Variants in SLC8A3 observed in about 807,000 individuals in gnomAD.
The protein encoded by SLC8A3 is sodium/calcium exchanger 3.
A neutral mutation model predicts 65.4 loss-of-function variants in SLC8A3; 37 were observed. The ratio of observed to expected loss-of-function variants is 0.57; its 90% CI spans 0.44 to 0.74. The LOEUF is 0.74. Among genes scored for constraint, SLC8A3 ranks in the 30% least tolerant of loss-of-function variants. The pLI is 0.00. For synonymous variants in SLC8A3, 461 were observed against 444.5 expected (o/e 1.04, Z -0.47); for missense variants, 1,112 against 1,172.1 (o/e 0.95, Z 0.75).
At chr14:70,086,295 G>C (rs185005563) in intron 2 of SLC8A3, among the ~76,000 whole-genome samples, 3 of 152,056 alleles carry the variant, frequency 2.0e-5, no homozygotes, top group East Asian at 3.9e-4. Flanking sequence ...GATGAAACCG[G>C]GATTCCAGCC....
intron 2 of SLC8A3, among the ~76,000 whole-genome samples, chr14:70,148,509 T>C (rs960576810): frequency 6.6e-6 from 1 of 152,206 alleles, no homozygotes; most frequent in Non-Finnish European, 1.5e-5. Flanking sequence ...AAAGGAAGTC[T>C]CTTCAGCCTT....
chr14:70,088,917 A>G (rs543686966), intron 2 of SLC8A3, among the ~76,000 whole-genome samples: 3 of 151,850 alleles, frequency 2.0e-5, no homozygotes, highest in Non-Finnish European at 4.4e-5. Flanking sequence ...TCTTTTTTTC[A>G]TTCCCTGCTA....
At chr14:70,143,190 C>T (rs578020275) in intron 2 of SLC8A3, among the ~76,000 whole-genome samples, 10 of 152,250 alleles carry the variant, frequency 6.6e-5, no homozygotes, top group South Asian at 4.1e-4. Context: ...CCTGTAGATG[C>T]GTTAAGTTTT....
At position 70,167,926 on chromosome 14, in the gene SLC8A3, C is replaced by T. The variant is rs1387832033; in HGVS notation, c.497G>A (p.Gly166Glu). 1 of 1,613,986 alleles carries T rather than the reference C, an allele frequency of 6.2e-7. No homozygotes were observed. Among genetic ancestry groups the T allele is most frequent in the Non-Finnish European group, 8.5e-7 (1 of 1,180,022 alleles). The change falls in exon 2 of 7, where the codon GGA becomes GAA. Residue 166 changes from glycine to glutamate, a missense_variant. Gly to Glu is a moderately conservative substitution (Grantham distance 98, BLOSUM62 -2). Coordinates refer to ENST00000356921, the MANE Select transcript of SLC8A3 (RefSeq NM_182932.3). ...CGHGFIAGDL[G>E]PSTIVGSAAF... The stretch of plus-strand genomic sequence containing the variant: ...TGCACTCCCTACAATGGTAGAAGGT[C>T]CCAGATCACCAGCAATGAACCCATG...
At position 70,073,479 on chromosome 14, in the gene SLC8A3, A is replaced by AAT. The variant is rs781777269; in HGVS notation, c.1785-12542_1785-12541dup. On this transcript the variant is annotated intron_variant, in intron 2 of 6. Transcript: ENST00000356921. ...TCTTTTTTCTAAGTCAAGAGAAGTA[A>AAT]ATATATATATATATGCATGCCAGTA... 1.7e-3 allele frequency among the ~76,000 whole-genome samples: 265 copies of AAT among 151,480 alleles called. 2 individuals carry two copies. The highest frequency in any genetic ancestry group is 0.014 in the South Asian group (65 of 4,792).
At chr14:70,064,016 A>T in intron 2 of SLC8A3, 1 of 742,170 alleles carries the variant, frequency 1.3e-6, no homozygotes, top group South Asian at 1.7e-5. Flanking sequence ...AGAAGGAAAC[A>T]GTTAAAAGAT....
chr14:70,187,484 C>T (rs1883374668), intron 1 of SLC8A3, among the ~76,000 whole-genome samples: 1 of 152,078 alleles, frequency 6.6e-6, no homozygotes, highest in South Asian at 2.1e-4. Flanking sequence ...CGAAGAACTG[C>T]TTTTTTCCCC....
intron 2 of SLC8A3, among the ~76,000 whole-genome samples, chr14:70,130,467 C>T (rs1241590900): frequency 6.6e-6 from 1 of 152,176 alleles, no homozygotes; most frequent in Non-Finnish European, 1.5e-5. Context: ...AATGATATTT[C>T]TCAGGATCAC....
At chr14:70,118,264 C>G (rs553109394) in intron 2 of SLC8A3, among the ~76,000 whole-genome samples, 1 of 152,214 alleles carries the variant, frequency 6.6e-6, no homozygotes, top group African/African-American at 2.4e-5. Flanking sequence ...AGCTGCCTGA[C>G]GCTCTCTGGG....
In SLC8A3 at chr14:70,057,632, C is replaced by T. The variant is rs141083693; in HGVS notation, c.1888+3204G>A. On this transcript the variant is annotated intron_variant, in intron 3 of 6. Transcript: ENST00000356921. ...AGCAGTTATAGATGGGTCAGCAAGA[C>T]CTGGGTAGGCCAGCTTTGACTGACA... Among the ~76,000 whole-genome samples the T allele has an allele frequency of 7.0e-3, 1,062 of 152,336 alleles. 17 individuals are homozygous for T. Among genetic ancestry groups the T allele is most frequent in the African/African-American group, 0.025 (1,023 of 41,556 alleles).
intron 3 of SLC8A3, chr14:70,060,139 C>A (rs758114525): frequency 6.5e-6 from 1 of 153,870 alleles, no homozygotes; most frequent in African/African-American, 2.4e-5. Flanking sequence ...GGTACACTTT[C>A]CCATGCCACG....
chr14:70,051,553 G>A (rs935971933), intron 4 of SLC8A3, among the ~76,000 whole-genome samples: 1 of 152,012 alleles, frequency 6.6e-6, no homozygotes, highest in Non-Finnish European at 1.5e-5. Context: ...CTCCCATCTC[G>A]GCCTCTCAAA....
intron 2 of SLC8A3, among the ~76,000 whole-genome samples, chr14:70,068,062 C>G (rs970408936): frequency 1.3e-5 from 2 of 152,322 alleles, no homozygotes; most frequent in Non-Finnish European, 2.9e-5. Context: ...CCCAGGAGAT[C>G]TTCTATCAAA....
At chr14:70,141,725 T>C (rs893305341) in intron 2 of SLC8A3, among the ~76,000 whole-genome samples, 6 of 152,118 alleles carry the variant, frequency 3.9e-5, no homozygotes, top group African/African-American at 1.4e-4. Flanking sequence ...ATCAAGGAAA[T>C]AGCGTTTAGT....
intron 2 of SLC8A3, among the ~76,000 whole-genome samples, chr14:70,070,316 A>T (rs552671442): frequency 6.6e-6 from 1 of 152,300 alleles, no homozygotes; most frequent in South Asian, 2.1e-4. Flanking sequence ...ACCAGGTGCT[A>T]TTTTCTCTGC....
intron 1 of SLC8A3, among the ~76,000 whole-genome samples, chr14:70,183,403 G>T (rs1411950778): frequency 6.6e-6 from 1 of 152,130 alleles, no homozygotes; most frequent in Admixed American, 6.5e-5. Context: ...TTGCTCTATA[G>T]TCTCCATGGA....
In SLC8A3 at chr14:70,175,970, A is replaced by G. The variant is rs142780996; in HGVS notation, c.-62-7486T>C. Among the ~76,000 whole-genome samples the G allele has an allele frequency of 1.6e-3, 251 of 152,182 alleles. 1 individual carries two copies. Among genetic ancestry groups the G allele is most frequent in the African/African-American group, 5.7e-3 (235 of 41,546 alleles). On this transcript the variant is annotated intron_variant, in intron 1 of 6. Transcript: ENST00000356921. ...GGTTGGTCTCGAACTCCTGACCTCA[A>G]GTGATCCGCCCACCTCACCCTCCCA...
At chr14:70,174,679 T>TG (rs1212343545) in intron 1 of SLC8A3, among the ~76,000 whole-genome samples, 322 of 114,286 alleles carry the variant, frequency 2.8e-3, no homozygotes, top group Middle Eastern at 5.4e-3. Flanking sequence ...TTTTTTTTTT[T>TG]TTTTTTTTTT....
chr14:70,065,031 A>C (rs1889262199), intron 2 of SLC8A3, among the ~76,000 whole-genome samples: 3 of 152,066 alleles, frequency 2.0e-5, no homozygotes, highest in Non-Finnish European at 2.9e-5. Flanking sequence ...GTCTCCCCTC[A>C]GTTGTGGGAG....
Sources: gnomAD v4.1 joint callset for allele counts (sites outside exome capture counted in the v4.1 genomes callset) on GRCh38, gnomAD v4.1.1 for gene constraint, MANE v1.5 for transcripts, NCBI Gene and HGNC (gene_info 2026-07-23, HGNC 2026-07-21) for gene names.